SYNE1: variants seen among roughly 807,000 people sequenced by gnomAD.
SYNE1 encodes the protein spectrin repeat containing nuclear envelope protein 1.
A neutral mutation model predicts 1,111.0 loss-of-function variants in SYNE1; 616 were observed. That is an observed-to-expected ratio of 0.55 (90% CI 0.52 to 0.59). SYNE1 has a LOEUF of 0.59. SYNE1 is among the 20% of genes least tolerant of loss of function. The pLI, the probability that SYNE1 is intolerant of heterozygous loss-of-function variation, is 0.00. For synonymous variants in SYNE1, 3,855 were observed against 3,825.8 expected, an observed-to-expected ratio of 1.01 and a Z score of -0.28; for missense variants, 10,006 against 10,417.0, an observed-to-expected ratio of 0.96 and a Z score of 1.72.
At chr6:152,143,984 G>A (rs1459142889) in intron 137 of SYNE1, 2 of 613,354 alleles carry the variant, frequency 3.3e-6, no homozygotes, top group East Asian at 3.1e-5. Flanking sequence ...TAGCAGATCG[G>A]ACGTCGCAAA....
chr6:152,268,603 CTCT>C (rs1397510482), intron 99 of SYNE1, among the ~76,000 whole-genome samples: 6 of 151,882 alleles, frequency 4.0e-5, no homozygotes, highest in African/African-American at 1.5e-4. Context: ...ATAATAAATC[CTCT>C]TGTTATTTGA....
chr6:152,388,291 G>T (rs1030868718), intron 53 of SYNE1, among the ~76,000 whole-genome samples: 1 of 151,726 alleles, frequency 6.6e-6, no homozygotes, highest in African/African-American at 2.4e-5. Flanking sequence ...TGTCACCAAG[G>T]CTGTAGTGCT....
chr6:152,128,292 A>C (rs1482466172), intron 145 of SYNE1: 2 of 152,240 alleles, frequency 1.3e-5, no homozygotes, highest in Non-Finnish European at 2.9e-5. Flanking sequence ...GAATGTATGC[A>C]CAGATTTTTA....
rs546215982 is a variant in SYNE1 at position 152,382,206 on chromosome 6, A to G, written c.8653-844T>C. ...AATCATCCGATGTTTATATATTTAC[A>G]TATCTATTGCTAAAGGCAGGATTTT... On this transcript the variant is annotated intron_variant, in intron 55 of 145. Transcript: ENST00000367255. Among the ~76,000 whole-genome samples, 4 of 152,332 alleles carry G rather than the reference A, an allele frequency of 2.6e-5. No homozygotes were observed. The East Asian group carries it at 7.7e-4, about 29-fold the overall frequency.
intron 8 of SYNE1, among the ~76,000 whole-genome samples, chr6:152,507,106 C>T (rs953324595): frequency 1.3e-5 from 2 of 152,136 alleles, no homozygotes; most frequent in African/African-American, 2.4e-5. Context: ...TTTCAGCAGA[C>T]AGCTGACAGT....
chr6:152,261,999 A>G (rs1562591674), intron 101 of SYNE1, 33 bp downstream of exon 101: 2 of 1,539,736 alleles, frequency 1.3e-6, no homozygotes, highest in African/African-American at 2.8e-5. Flanking sequence ...CATCTTTTAT[A>G]TTAGTTAATA....
intron 47 of SYNE1, among the ~76,000 whole-genome samples, chr6:152,400,725 C>A (rs2097800609): frequency 6.6e-6 from 1 of 151,860 alleles, no homozygotes; most frequent in Admixed American, 6.6e-5. Context: ...TCTTCTTTTT[C>A]AAAAAATATA....
At chr6:152,373,348 C>T (rs1270291201) in intron 58 of SYNE1, 129 bp from the exon 59 acceptor site, 7 of 807,170 alleles carry the variant, frequency 8.7e-6, no homozygotes, top group East Asian at 2.7e-5. Context: ...AGTGCGATCT[C>T]GGCTCACTGC....
At chr6:152,397,610 G>A (rs757809171) in intron 49 of SYNE1, among the ~76,000 whole-genome samples, 10 of 152,052 alleles carry the variant, frequency 6.6e-5, no homozygotes, top group Middle Eastern at 3.2e-3. Context: ...TTACTATAAC[G>A]ATCTTTCTAT....
rs756232172 is a variant in SYNE1, at chr6:152,391,580, GAAAAAAA to G, written c.7713-19_7713-13del. ...TATCAAGAGACTCTCTGAAAAAAAG[GAAAAAAA>G]AAAAAAAGAAAAAAAATTAATTCTG... is the stretch of plus-strand genomic sequence containing the variant. On this transcript the variant is annotated splice_polypyrimidine_tract_variant and intron_variant, in intron 51 of 145. Transcript: ENST00000367255. The G allele has an allele frequency of 3.7e-6, 5 of 1,339,698 alleles. No homozygotes were observed. The East Asian group carries it at 8.2e-5, about 22-fold the overall frequency. The allele number at this position is 1,339,698 out of a possible 1,614,324, so 83.0% of individuals were successfully genotyped here. A position where few individuals can be genotyped will look rare whatever the true frequency, so the allele number is the denominator to read the frequency against.
At chr6:152,553,478 G>C (rs1292503956) in intron 3 of SYNE1, among the ~76,000 whole-genome samples, 6 of 152,104 alleles carry the variant, frequency 3.9e-5, no homozygotes, top group Admixed American at 1.3e-4. Flanking sequence ...CCAGAATCCA[G>C]CTGGTCAATA....
intron 140 of SYNE1, among the ~76,000 whole-genome samples, chr6:152,138,504 C>T (rs2057625545): frequency 6.8e-6 from 1 of 146,342 alleles, no homozygotes; most frequent in East Asian, 2.0e-4. Context: ...GAGTGAGACT[C>T]TGTCTCAAAA....
chr6:152,525,702 T>C lies in SYNE1; in HGVS notation c.225+378A>G, dbSNP rs555366882. 3.3e-5 allele frequency among the ~76,000 whole-genome samples: 5 copies of C among 152,300 alleles called. 1 individual carries two copies. Among genetic ancestry groups the C allele is most frequent in the Admixed American group, 2.6e-4 (4 of 15,288 alleles). ...AAACAACTATATAAATACACAGATA[T>C]GGACCAACATTTCTTTCTAAATGGA... On this transcript the variant is annotated intron_variant, in intron 5 of 145. Coordinates refer to ENST00000367255, the MANE Select transcript of SYNE1 (RefSeq NM_182961.4).
intron 4 of SYNE1, among the ~76,000 whole-genome samples, chr6:152,536,423 TTATATATATA>T (rs1340334059): frequency 1.5e-5 from 2 of 133,624 alleles, no homozygotes; most frequent in Admixed American, 7.7e-5. Flanking sequence ...ATATATATAT[TTATATATATA>T]ACTATATATA....
Position 152,502,750 on chromosome 6 carries a change from A to C in SYNE1, c.779-8T>G, listed in dbSNP as rs1436722462. ...GTTTATCCACATCAACGTCTGAAAA[A>C]ACAAAAAAGAAATGTGAATAAACTA... On this transcript the variant is annotated splice_polypyrimidine_tract_variant and splice_region_variant and intron_variant, in intron 9 of 145. Transcript: ENST00000367255. The C allele has an allele frequency of 1.9e-6, 3 of 1,582,348 alleles. No individual in the cohort carries two copies. Among genetic ancestry groups the C allele is most frequent in the Middle Eastern group, 1.7e-4 (1 of 6,036 alleles).
intron 93 of SYNE1, among the ~76,000 whole-genome samples, chr6:152,297,656 G>A (rs2094943865): frequency 6.6e-6 from 1 of 152,082 alleles, no homozygotes; most frequent in African/African-American, 2.4e-5. Context: ...ATAAGGAAAA[G>A]CAGGAATGCC....
Position 152,330,664 on chromosome 6 carries a change from T to G in SYNE1, c.14021A>C (p.Lys4674Thr). Reference sequence around the variant, plus strand: ...CAACTCAATCAAGGAAGCATATTCCTTCCGAGCAAGAATTGCTTCCTGGAC... The same window carrying G: ...CAACTCAATCAAGGAAGCATATTCCGTCCGAGCAAGAATTGCTTCCTGGAC... ...YKVQEAILAR[K>T]EYASLIELTT... The change falls in exon 78 of 146, where the codon AAG becomes ACG. Residue 4674 changes from lysine (K) to threonine (T), a missense_variant. This residue lies in a region of SYNE1 where 4,955 missense variants were observed against 5,017.2 expected (regional missense o/e 0.99). Coordinates refer to ENST00000367255, the MANE Select transcript of SYNE1 (RefSeq NM_182961.4). The G allele has an allele frequency of 2.5e-6, 4 of 1,613,928 alleles. No homozygotes were observed. Among genetic ancestry groups the G allele is most frequent in the Non-Finnish European group, 3.4e-6 (4 of 1,180,036 alleles).
At chr6:152,226,267 G>A (rs914778027) in intron 115 of SYNE1, among the ~76,000 whole-genome samples, 6 of 152,124 alleles carry the variant, frequency 3.9e-5, no homozygotes, top group East Asian at 1.9e-4. Context: ...AAATGTGATC[G>A]AATGTGGTAT....
chr6:152,552,686 G>A (rs2099351423), intron 3 of SYNE1, among the ~76,000 whole-genome samples: 1 of 152,184 alleles, frequency 6.6e-6, no homozygotes, highest in Admixed American at 6.6e-5. Flanking sequence ...AAGAGCCAGT[G>A]TTAGAAATTG....
Sources: allele counts gnomAD v4.1 joint callset (sites outside exome capture counted in the v4.1 genomes callset), GRCh38; gene constraint gnomAD v4.1.1; regional missense constraint gnomAD v4.1.1; transcripts MANE v1.5; gene names NCBI Gene and HGNC (gene_info 2026-07-23, HGNC 2026-07-21).